KCNMA1: variants seen among roughly 807,000 people sequenced by gnomAD.
KCNMA1 encodes the protein Calcium-activated potassium channel subunit alpha-1.
KCNMA1 carries 29 observed loss-of-function variants against 140.0 expected under a neutral mutation model. The ratio of observed to expected loss-of-function variants is 0.21; its 90% confidence interval spans 0.15 to 0.28. KCNMA1 has a LOEUF of 0.28. Ranked by LOEUF, KCNMA1 falls within the 10% of genes least tolerant of loss-of-function variation. KCNMA1 has a pLI of 1.00. For missense variants in KCNMA1, 880 were observed against 1,602.2 expected (o/e 0.55, Z 7.70); for synonymous variants, 612 against 611.9 (o/e 1.00, Z 0.00).
At chr10:77,607,380 T>C (rs1257041174) in intron 1 of KCNMA1, among the ~76,000 whole-genome samples, 1 of 152,152 alleles carries the variant, frequency 6.6e-6, no homozygotes, top group South Asian at 2.1e-4. Context: ...TGAGGTGGGC[T>C]GAATCATGGC....
At chr10:77,019,299 A>G (rs766985132) in intron 16 of KCNMA1, 200 bp from the exon 17 acceptor site, 4 of 577,194 alleles carry the variant, frequency 6.9e-6, no homozygotes, top group Non-Finnish European at 1.2e-5. Flanking sequence ...ACTACTGCTT[A>G]CTTCCCAGGC....
At chr10:77,259,526 G>C (rs1042424479) in intron 2 of KCNMA1, among the ~76,000 whole-genome samples, 2 of 152,024 alleles carry the variant, frequency 1.3e-5, no homozygotes, top group African/African-American at 4.8e-5. Context: ...GAGTCCACAA[G>C]GCCCTGAAAG....
chr10:77,183,512 T>C lies in KCNMA1; in HGVS notation c.717A>G (p.Lys239=), dbSNP rs769909435. Residue 239 remains lysine (K), a synonymous_variant, in exon 5 of 28, where the codon AAA becomes AAG. Transcript: ENST00000286628. ...AGTTCACTTCCAGCCAGAACCACAA[T>C]TTATCGTTGGCTGCAATAAACTGGG... ...FGLRFIAAND[K]LWFWLEVNSV... The C allele has an allele frequency of 1.9e-6, 3 of 1,613,132 alleles. No homozygotes were observed. In the East Asian group the frequency reaches 6.7e-5, roughly 36 times the overall value.
intron 1 of KCNMA1, among the ~76,000 whole-genome samples, chr10:77,447,899 G>A (rs2097558835): frequency 6.6e-6 from 1 of 152,218 alleles, no homozygotes; most frequent in African/African-American, 2.4e-5. Flanking sequence ...TATAATTAGA[G>A]ACGCAGTTAA....
rs150146372 is a variant in KCNMA1, at chr10:76,914,609, C to T, written c.3016+327G>A. On this transcript the variant is annotated intron_variant, in intron 24 of 27. Transcript: ENST00000286628. ...AAGAGGTTCTTACAGTAAAAATCAC[C>T]AGAAAGAATCCGTGAACTAAGCCTT... The T allele has an allele frequency of 7.9e-5, 28 of 354,224 alleles. No homozygotes were observed. The East Asian group carries it at 1.8e-3, about 22-fold the overall frequency. The allele number at this position is 354,224 out of a possible 1,614,324, so 21.9% of individuals were successfully genotyped here.
intron 3 of KCNMA1, among the ~76,000 whole-genome samples, chr10:77,193,322 C>A (rs964671689): frequency 5.3e-5 from 8 of 152,172 alleles, no homozygotes; most frequent in African/African-American, 1.9e-4. Flanking sequence ...TTGCCAGCAA[C>A]TTCTATGTAA....
At chr10:77,005,129 C>A (rs2153426630) in intron 18 of KCNMA1, among the ~76,000 whole-genome samples, 1 of 152,304 alleles carries the variant, frequency 6.6e-6, no homozygotes, top group East Asian at 1.9e-4. Flanking sequence ...ATGAGGACAT[C>A]TAGTGGATCA....
intron 1 of KCNMA1, among the ~76,000 whole-genome samples, chr10:77,422,823 C>T (rs143961502): frequency 1.7e-4 from 26 of 152,284 alleles, no homozygotes; most frequent in African/African-American, 6.0e-4. Context: ...AGCAGAAACA[C>T]GGAAGATGCA....
At chr10:77,512,242 C>A (rs1401750385) in intron 1 of KCNMA1, among the ~76,000 whole-genome samples, 2 of 152,178 alleles carry the variant, frequency 1.3e-5, no homozygotes, top group Non-Finnish European at 2.9e-5. Flanking sequence ...TTCCCCTGGT[C>A]CCACCAGCCT....
chr10:76,952,381 A>G (rs2066605824), intron 21 of KCNMA1, among the ~76,000 whole-genome samples: 1 of 152,116 alleles, frequency 6.6e-6, no homozygotes, highest in Admixed American at 6.5e-5. Flanking sequence ...ATAACTGGGT[A>G]TGGTGGCGCG....
At chr10:77,523,124 G>T (rs751624673) in intron 1 of KCNMA1, among the ~76,000 whole-genome samples, 3 of 151,562 alleles carry the variant, frequency 2.0e-5, no homozygotes, top group Admixed American at 6.6e-5. Context: ...TCTTGGTCAA[G>T]CTCATGCATA....
intron 2 of KCNMA1, among the ~76,000 whole-genome samples, chr10:77,383,030 T>TATATATATATATATATATATA (rs1566451029): frequency 2.9e-5 from 3 of 103,008 alleles, no homozygotes; most frequent in African/African-American, 1.2e-4. Flanking sequence ...ATATATATAT[T>TATATATATATATATATATATA]CCAAGTGGAG....
At position 77,132,464 on chromosome 10, in the gene KCNMA1, C is replaced by T. The variant is rs148963841; in HGVS notation, c.809-11416G>A. Among the ~76,000 whole-genome samples, 731 of 151,308 alleles carry T rather than the reference C, an allele frequency of 4.8e-3. 7 individuals are homozygous for T. The highest frequency in any genetic ancestry group is 0.017 in the African/African-American group (707 of 41,296). On this transcript the variant is annotated intron_variant, in intron 5 of 27. Coordinates refer to ENST00000286628, the MANE Select transcript of KCNMA1 (RefSeq NM_001161352.2). Reference sequence around the variant, plus strand: ...AAAATAACATTAAAGTGTCCTAGACCGAAAGAATGACCTGTATCCTCAGAT... The same window carrying T: ...AAAATAACATTAAAGTGTCCTAGACTGAAAGAATGACCTGTATCCTCAGAT...
chr10:77,271,333 T>C (rs994354546), intron 2 of KCNMA1, among the ~76,000 whole-genome samples: 1 of 152,126 alleles, frequency 6.6e-6, no homozygotes. Flanking sequence ...CCTTAAATAA[T>C]TAGAAAAGGT....
intron 23 of KCNMA1, among the ~76,000 whole-genome samples, chr10:76,920,831 C>G (rs2055445643): frequency 6.6e-6 from 1 of 152,170 alleles, no homozygotes; most frequent in South Asian, 2.1e-4. Flanking sequence ...CTGAGCCAGT[C>G]TTACTTTTTA....
chr10:77,484,473 CT>C (rs763028337), intron 1 of KCNMA1, among the ~76,000 whole-genome samples: 7 of 152,252 alleles, frequency 4.6e-5, no homozygotes, highest in Non-Finnish European at 1.0e-4. Flanking sequence ...GTGCTAAGCA[CT>C]TTACATCAGT....
chr10:77,192,435 C>T (rs542540735), intron 3 of KCNMA1, among the ~76,000 whole-genome samples: 6 of 152,186 alleles, frequency 3.9e-5, no homozygotes, highest in South Asian at 2.1e-4. Flanking sequence ...AAGCAAAATA[C>T]GGGCATTACA....
intron 2 of KCNMA1, among the ~76,000 whole-genome samples, chr10:77,294,953 G>C (rs1422796962): frequency 2.6e-5 from 4 of 151,938 alleles, no homozygotes; most frequent in Non-Finnish European, 4.4e-5. Flanking sequence ...TTGATAAGGG[G>C]CTCCCAATTA....
At chr10:77,103,318 A>T (rs1015503770) in intron 9 of KCNMA1, among the ~76,000 whole-genome samples, 3 of 152,198 alleles carry the variant, frequency 2.0e-5, no homozygotes, top group Non-Finnish European at 4.4e-5. Flanking sequence ...AGCGGGATAC[A>T]GGCTCCTGAG....
Sources: gnomAD v4.1 joint callset for allele counts (sites outside exome capture counted in the v4.1 genomes callset) on GRCh38, gnomAD v4.1.1 for gene constraint, MANE v1.5 for transcripts, NCBI Gene and HGNC (gene_info 2026-07-23, HGNC 2026-07-21) for gene names.